The following SLC13A4 variants were observed in gnomAD, a reference collection of about 807,000 sequenced individuals.
SLC13A4 encodes solute carrier family 13 member 4, also known as Na(+)/sulfate cotransporter SUT-1.
Under a neutral mutation model 72.7 loss-of-function variants are expected in SLC13A4, and 28 were observed. The observed-to-expected ratio is 0.39, with a 90% confidence interval of 0.29 to 0.53. The LOEUF is 0.53. Among genes scored for constraint, SLC13A4 ranks in the 20% least tolerant of loss-of-function variants. The pLI, the probability that SLC13A4 is intolerant of heterozygous loss-of-function variation, is 0.78. For missense variants in SLC13A4, 653 were observed against 788.0 expected, an observed-to-expected ratio of 0.83 and a Z score of 2.05; for synonymous variants, 312 against 325.5, an observed-to-expected ratio of 0.96 and a Z score of 0.45.
chr7:135,689,611 T>G (rs1259918722), intron 13 of SLC13A4, among the ~76,000 whole-genome samples: 1 of 152,144 alleles, frequency 6.6e-6, no homozygotes, highest in African/African-American at 2.4e-5. Context: ...TTTTTTCATG[T>G]TAATAATTAT....
chr7:135,699,692 A>G, intron 7 of SLC13A4, 144 bp from the exon 8 acceptor site: 1 of 629,126 alleles, frequency 1.6e-6, no homozygotes, highest in South Asian at 3.2e-5. Flanking sequence ...CCATTTGTCA[A>G]CTTGGGCATG....
chr7:135,715,741 G>C (rs1796420840), intron 2 of SLC13A4, among the ~76,000 whole-genome samples: 1 of 152,216 alleles, frequency 6.6e-6, no homozygotes, highest in African/African-American at 2.4e-5. Flanking sequence ...GATTGACACA[G>C]GTATCATGCC....
chr7:135,717,014 G>A (rs1189172794), intron 2 of SLC13A4, among the ~76,000 whole-genome samples: 1 of 152,152 alleles, frequency 6.6e-6, no homozygotes, highest in African/African-American at 2.4e-5. Flanking sequence ...TCAGTCCATT[G>A]TCTCTTCCTG....
intron 1 of SLC13A4, 76 bp downstream of exon 1, chr7:135,727,322 A>G (rs1167764346): frequency 4.0e-6 from 6 of 1,515,930 alleles, no homozygotes; most frequent in Admixed American, 2.0e-5. Flanking sequence ...TGAGCGCCCC[A>G]TGTTCCCCTA....
chr7:135,696,345 T>A (rs981947661), intron 8 of SLC13A4, among the ~76,000 whole-genome samples: 1 of 152,140 alleles, frequency 6.6e-6, no homozygotes, highest in Non-Finnish European at 1.5e-5. Context: ...TTCCTTTTAT[T>A]TTTTTATTTT....
At chr7:135,690,954 C>T (rs183366819) in intron 13 of SLC13A4, among the ~76,000 whole-genome samples, 140 of 152,284 alleles carry the variant, frequency 9.2e-4, no homozygotes, top group African/African-American at 3.2e-3. Flanking sequence ...CACTTGAGGT[C>T]AGGAGTTTGA....
Position 135,727,706 on chromosome 7 carries a change from A to T in SLC13A4, c.-210T>A. The T allele has an allele frequency of 1.9e-6, 1 of 528,506 alleles. No individual in the cohort carries two copies. The highest frequency in any genetic ancestry group is 3.3e-6 in the Non-Finnish European group (1 of 305,738). 32.7% of individuals were successfully genotyped at this position (528,506 alleles called of 1,614,324 possible). On this transcript the variant is annotated 5_prime_UTR_variant, in exon 1 of 16. Coordinates refer to ENST00000682651, the MANE Select transcript of SLC13A4 (RefSeq NM_001318192.2). The stretch of plus-strand genomic sequence containing the variant: ...CTCCTGGCCTCCTGCTTTAGGTGGG[A>T]TTGATGAGCATCGTTTTGTGACCAG...
At chr7:135,713,157 A>C (rs7804549) in intron 2 of SLC13A4, among the ~76,000 whole-genome samples, 66,161 of 151,988 alleles carry the variant, frequency 0.44, 14,447 homozygotes, top group Middle Eastern at 0.56. Context: ...GATAACGAAG[A>C]TTGTTAGAGT....
intron 2 of SLC13A4, among the ~76,000 whole-genome samples, chr7:135,712,806 C>A (rs1304717265): frequency 6.6e-6 from 1 of 152,232 alleles, no homozygotes; most frequent in South Asian, 2.1e-4. Flanking sequence ...CCAGGGAACA[C>A]CAGACTTCCA....
At chr7:135,698,026 A>G (rs115313003) in intron 8 of SLC13A4, among the ~76,000 whole-genome samples, 5,296 of 151,728 alleles carry the variant, frequency 0.035, 108 homozygotes, top group Middle Eastern at 0.088. Context: ...CCTTTTTTAA[A>G]TTTTTATTTA....
In SLC13A4 at chr7:135,721,422, C is replaced by G. The variant is rs768608458; in HGVS notation, c.201G>C (p.Pro67=). Residue 67 remains proline (P), a synonymous_variant, in exon 2 of 16, where the codon CCG becomes CCC. Coordinates refer to ENST00000682651, the MANE Select transcript of SLC13A4 (RefSeq NM_001318192.2). ...CATTGGACCGGAGGACTCCGAAGAA[C>G]GGGTAAAGGAAGGCCGGCACCAGGG... ...AAALVPAFLY[P]FFGVLRSNEV... is the part of the protein sequence containing the mutation. 63 of 1,613,926 alleles carry G rather than the reference C, an allele frequency of 3.9e-5. No homozygotes were observed. Among genetic ancestry groups the G allele is most frequent in the Non-Finnish European group, 5.2e-5 (61 of 1,179,970 alleles).
At chr7:135,721,364 A>T in intron 2 of SLC13A4, 31 bp downstream of exon 2, 2 of 1,611,988 alleles carry the variant, frequency 1.2e-6, no homozygotes, top group Non-Finnish European at 1.7e-6. Flanking sequence ...GCAGGGACCC[A>T]GGCAGGGGGT....
At chr7:135,711,263 C>A (rs988339391) in intron 2 of SLC13A4, among the ~76,000 whole-genome samples, 1 of 152,060 alleles carries the variant, frequency 6.6e-6, no homozygotes, top group Non-Finnish European at 1.5e-5. Context: ...CAAGTCAGTG[C>A]GACTGGGGTG....
Position 135,706,288 on chromosome 7 carries a change from G to C in SLC13A4, c.378C>G (p.Cys126Trp). The C allele has an allele frequency of 1.2e-6, 2 of 1,603,668 alleles. No individual in the cohort carries two copies. The highest frequency in any genetic ancestry group is 2.2e-5 in the South Asian group (2 of 90,678). The change falls in exon 4 of 16, where the codon TGC (cysteine) becomes TGG (tryptophan). Residue 126 changes from cysteine to tryptophan, a missense_variant. Cys to Trp is a radical substitution (Grantham distance 215). Coordinates refer to ENST00000682651, the MANE Select transcript of SLC13A4 (RefSeq NM_001318192.2). ...ACAGCAACGTGGTACAGCACATGAA[G>C]CAGAGCAGCAGCCTGGAAGGCAGGG... ...AGAKPGMLLL[C>W]FMCCTTLLSM...
intron 2 of SLC13A4, among the ~76,000 whole-genome samples, chr7:135,716,381 T>G (rs1796435030): frequency 6.6e-6 from 1 of 152,236 alleles, no homozygotes; most frequent in Admixed American, 6.5e-5. Flanking sequence ...CTTGGCTCAC[T>G]GTAACCTCTG....
chr7:135,687,204 C>T (rs1056368563), intron 13 of SLC13A4, among the ~76,000 whole-genome samples: 8 of 152,054 alleles, frequency 5.3e-5, no homozygotes, highest in African/African-American at 1.9e-4. Flanking sequence ...TCCAGGTTGC[C>T]ATATGCATCC....
chr7:135,691,986 C>CTT, intron 11 of SLC13A4: 1 of 418,778 alleles, frequency 2.4e-6, no homozygotes, highest in Non-Finnish European at 4.3e-6. Flanking sequence ...GCCACACCTC[C>CTT]ATGTGCCTCC....
intron 3 of SLC13A4, chr7:135,707,511 A>C (rs1023158675): frequency 1.3e-5 from 2 of 152,256 alleles, no homozygotes; most frequent in Non-Finnish European, 2.9e-5. Flanking sequence ...GAAAGTTGTA[A>C]ACTAGAAGGA....
At chr7:135,715,494 G>A (rs567397900) in intron 2 of SLC13A4, among the ~76,000 whole-genome samples, 5 of 151,048 alleles carry the variant, frequency 3.3e-5, no homozygotes, top group African/African-American at 7.3e-5. Flanking sequence ...TGTATGAGTG[G>A]GTGTGTAGGA....
Sources: gnomAD v4.1 joint callset for allele counts (sites outside exome capture counted in the v4.1 genomes callset) on GRCh38, gnomAD v4.1.1 for gene constraint, MANE v1.5 for transcripts, NCBI Gene and HGNC (gene_info 2026-07-23, HGNC 2026-07-21) for gene names.